Variants in PCSK4 observed in about 807,000 individuals in gnomAD.
The protein encoded by PCSK4 is proprotein convertase subtilisin/kexin type 4.
In PCSK4, 64 loss-of-function variants were observed where a neutral mutation model predicts 80.3. That is an observed-to-expected ratio of 0.80 (90% CI 0.65 to 0.98). PCSK4 has a LOEUF of 0.98. PCSK4 is among the 50% of genes least tolerant of loss of function. The pLI is 0.00. For synonymous variants in PCSK4, 561 were observed against 487.6 expected (o/e 1.15, Z -1.98); for missense variants, 1,213 against 1,093.6 (o/e 1.11, Z -1.54).
intron 1 of PCSK4, 38 bp from the exon 2 acceptor site, chr19:1,489,935 G>A (rs1296893869): frequency 9.6e-6 from 15 of 1,570,006 alleles, no homozygotes; most frequent in African/African-American, 1.4e-5. Flanking sequence ...GATGGGACCC[G>A]GCTCCCCTGC....
At chr19:1,481,798 G>C (rs759328869) in exon 15 of PCSK4, 16 of 1,521,806 alleles carry the variant, frequency 1.1e-5, no homozygotes, top group Non-Finnish European at 1.4e-5. Context: ...GTTTGGTGGG[G>C]GTGGCCCTGG....
At chr19:1,488,856 C>G (rs2084784247) in intron 2 of PCSK4, among the ~76,000 whole-genome samples, 1 of 152,210 alleles carries the variant, frequency 6.6e-6, no homozygotes. Flanking sequence ...GCCGGGATTA[C>G]AGGCATGAAC....
exon 13 of PCSK4, chr19:1,482,941 C>T: frequency 1.2e-6 from 2 of 1,612,886 alleles, no homozygotes; most frequent in South Asian, 1.1e-5. Flanking sequence ...AGGGTCCACA[C>T]GCCCTGTGGG....
intron 11 of PCSK4, 69 bp from the exon 12 acceptor site, chr19:1,483,532 G>T: frequency 7.0e-7 from 1 of 1,425,948 alleles, no homozygotes; most frequent in Non-Finnish European, 9.6e-7. Flanking sequence ...CAGCAGGCGA[G>T]GTCGGGGCTC....
In PCSK4 at chr19:1,484,143, G is replaced by A. The variant is rs1209869778; in HGVS notation, c.1069-16C>T. 2 of 1,455,210 alleles carry A rather than the reference G, an allele frequency of 1.4e-6. No individual in the cohort carries two copies. The allele number at this position is 1,455,210 out of a possible 1,614,324, so 90.1% of individuals were successfully genotyped here. A position where few individuals can be genotyped will look rare whatever the true frequency, so the allele number is the denominator to read the frequency against. On this transcript the variant is annotated splice_polypyrimidine_tract_variant and intron_variant, in intron 8 of 14. Transcript: ENST00000300954. ...CCGTGGTGACCTGAGGGCAGAGGGG[G>A]GTGGGACTCGGGGGGCCGTGCACAG...
chr19:1,487,520 C>G, intron 6 of PCSK4, 83 bp downstream of exon 6: 2 of 1,266,656 alleles, frequency 1.6e-6, no homozygotes. Context: ...GGTGGGCTCC[C>G]GAGTCCTTGG....
In PCSK4 at chr19:1,481,534, T is replaced by C. The variant is rs947860266; in HGVS notation, c.*225A>G. 4.9e-5 allele frequency: 21 copies of C among 429,466 alleles called. No individual in the cohort carries two copies. The Admixed American group carries it at 6.1e-4, about 13-fold the overall frequency. 26.6% of individuals were successfully genotyped at this position (429,466 alleles called of 1,614,324 possible). ...CACTTTCCCCTGGCTTTTGGGGTGC[T>C]CCAGCCTCTCCCCCCAGCCCACTCC... On this transcript the variant is annotated 3_prime_UTR_variant, in exon 15 of 15. Transcript: ENST00000300954.
chr19:1,482,364 C>T (rs1277244325), exon 14 of PCSK4: 2 of 1,542,974 alleles, frequency 1.3e-6, no homozygotes, highest in South Asian at 1.2e-5. Flanking sequence ...CTGGCACAGC[C>T]CCTCTGTGTC....
chr19:1,482,420 C>T lies in PCSK4; in HGVS notation c.1752G>A (p.Ala584=), dbSNP rs758447970. ...TGGTCACCTGGGGGCCTGTAGGCCG[C>T]GCTGTCATGTCCTCGGCCGTCCCAT... Residue 584 remains alanine, a synonymous_variant, in exon 14 of 15, where the codon GCG becomes GCA. Coordinates refer to ENST00000300954, the Ensembl canonical transcript of PCSK4. 4.8e-5 allele frequency: 77 copies of T among 1,607,790 alleles called. No individual in the cohort carries two copies. The African/African-American group carries it at 6.1e-4, about 13-fold the overall frequency.
chr19:1,485,531 C>G (rs1366805666), intron 8 of PCSK4, among the ~76,000 whole-genome samples: 1 of 152,052 alleles, frequency 6.6e-6, no homozygotes, highest in Non-Finnish European at 1.5e-5. Context: ...TGCCACTTCA[C>G]TCTGTTGCAC....
At chr19:1,487,417 C>T in intron 6 of PCSK4, 104 bp from the exon 7 acceptor site, 1 of 1,065,668 alleles carries the variant, frequency 9.4e-7, no homozygotes, top group South Asian at 1.5e-5. Context: ...TACCTGGGCC[C>T]TCTCTCTGCT....
intron 1 of PCSK4, 104 bp from the exon 2 acceptor site, chr19:1,490,001 T>C: frequency 6.6e-7 from 1 of 1,525,030 alleles, no homozygotes; most frequent in Non-Finnish European, 8.8e-7. Context: ...CAGCAGGTGC[T>C]CTCTGGGAGT....
exon 10 of PCSK4, chr19:1,483,925 T>C: frequency 1.4e-6 from 2 of 1,432,804 alleles, no homozygotes; most frequent in South Asian, 1.3e-5. Context: ...TGCATGTCTC[T>C]CCACGTCAGG....
exon 15 of PCSK4, chr19:1,481,668 G>T: frequency 1.1e-6 from 1 of 890,806 alleles, no homozygotes. Flanking sequence ...GCTGGTGCTC[G>T]CTCCTCTGGG....
At chr19:1,483,011 G>T (rs1377985494) in exon 13 of PCSK4, 1 of 1,376,170 alleles carries the variant, frequency 7.3e-7, no homozygotes, top group East Asian at 2.4e-5. Context: ...CAGTGCTGAC[G>T]TCCAAGGGTC....
At chr19:1,482,620 G>A in intron 13 of PCSK4, 145 bp from the exon 14 acceptor site, 1 of 1,063,880 alleles carries the variant, frequency 9.4e-7, no homozygotes, top group Non-Finnish European at 1.3e-6. Flanking sequence ...CACCTACTGT[G>A]CGCCTGTCAC....
At chr19:1,489,422 C>G (rs910608202) in intron 2 of PCSK4, among the ~76,000 whole-genome samples, 2 of 152,212 alleles carry the variant, frequency 1.3e-5, no homozygotes, top group Non-Finnish European at 2.9e-5. Flanking sequence ...GCGTGAGCCA[C>G]CGCGCCGGGC....
At chr19:1,483,510 T>TGGGGGGG in intron 11 of PCSK4, 47 bp from the exon 12 acceptor site, 5 of 520,234 alleles carry the variant, frequency 9.6e-6, no homozygotes, top group Non-Finnish European at 1.4e-5. Context: ...TGCTGGGGGG[T>TGGGGGGG]GGGTGGGCGG....
At chr19:1,487,747 C>T (rs939635121) in intron 5 of PCSK4, 38 bp downstream of exon 5, 22 of 1,549,792 alleles carry the variant, frequency 1.4e-5, no homozygotes, top group Non-Finnish European at 1.9e-5. Context: ...CTGCCGGGTA[C>T]TGGGGCTTCC....
Sources: gnomAD v4.1 joint callset for allele counts (sites outside exome capture counted in the v4.1 genomes callset) on GRCh38, gnomAD v4.1.1 for gene constraint, MANE v1.5 for transcripts, NCBI Gene and HGNC (gene_info 2026-07-23, HGNC 2026-07-21) for gene names.